NBAS: variants seen among roughly 807,000 people sequenced by gnomAD.
NBAS encodes NBAS subunit of NRZ tethering complex.
In NBAS, 219 loss-of-function variants were observed where a neutral mutation model predicts 302.5. That is an observed-to-expected ratio of 0.72 (90% CI 0.65 to 0.81). The LOEUF (loss-of-function observed/expected upper bound fraction) is 0.81, where lower values mean the gene tolerates loss of function less well. Among genes scored for constraint, NBAS ranks in the 30% least tolerant of loss-of-function variants. The probability of loss-of-function intolerance (pLI) is 0.00; values close to 1 mark genes in which losing one functional copy is unlikely to be tolerated. For missense variants in NBAS, 2,932 were observed against 2,841.6 expected, an observed-to-expected ratio of 1.03 and a Z score of -0.72; for synonymous variants, 1,118 against 1,021.6, an observed-to-expected ratio of 1.09 and a Z score of -1.80.
chr2:15,308,202 T>G lies in NBAS; in HGVS notation c.4797+14A>C. 6.2e-7 allele frequency: 1 copy of G among 1,614,104 alleles called. No individual in the cohort carries two copies. The highest frequency in any genetic ancestry group is 8.5e-7 in the Non-Finnish European group (1 of 1,180,016). Reference sequence around the variant, plus strand: ...ACTCTGCTCAATAATAAGCTGGAAATCATGAAGACTCACCCTGTAAAGAGG... The same window carrying G: ...ACTCTGCTCAATAATAAGCTGGAAAGCATGAAGACTCACCCTGTAAAGAGG... On this transcript the variant is annotated intron_variant, in intron 40 of 51. Coordinates refer to ENST00000281513, the MANE Select transcript of NBAS (RefSeq NM_015909.4).
At chr2:14,980,851 G>A in the NBAS span, among the ~76,000 whole-genome samples, 2 of 152,140 alleles carry the variant, frequency 1.3e-5, no homozygotes, top group Non-Finnish European at 2.9e-5. Context: ...AGAACAAGAC[G>A]CTATGGGCAG....
At chr2:14,848,246 C>T in the NBAS span, among the ~76,000 whole-genome samples, 26 of 151,014 alleles carry the variant, frequency 1.7e-4, no homozygotes, top group South Asian at 1.0e-3. Flanking sequence ...CGAAGCAGGG[C>T]GAGGCATTGC....
chr2:15,160,598 G>A, the NBAS span, among the ~76,000 whole-genome samples: 924 of 132,380 alleles, frequency 7.0e-3, 26 homozygotes, highest in African/African-American at 0.023. Context: ...GGGGAGGGGG[G>A]GGGGCAGGAG....
the NBAS span, among the ~76,000 whole-genome samples, chr2:14,873,042 C>T: frequency 6.6e-6 from 1 of 152,226 alleles, no homozygotes; most frequent in Non-Finnish European, 1.5e-5. Flanking sequence ...GAAGGGGACT[C>T]TCGGCAGGTG....
chr2:15,034,218 GA>G, the NBAS span, among the ~76,000 whole-genome samples: 1 of 25,558 alleles, frequency 3.9e-5, no homozygotes, highest in Admixed American at 5.1e-4. Flanking sequence ...AGGAAAGAAA[GA>G]GAGGGAAAGA....
chr2:15,097,163 G>A, the NBAS span, among the ~76,000 whole-genome samples: 2 of 152,300 alleles, frequency 1.3e-5, no homozygotes, highest in Non-Finnish European at 2.9e-5. Flanking sequence ...GTCACTGATT[G>A]AGGGCTGCTG....
chr2:15,065,685 G>A, the NBAS span, among the ~76,000 whole-genome samples: 4 of 151,586 alleles, frequency 2.6e-5, no homozygotes, highest in African/African-American at 9.7e-5. Context: ...TAACCAAGGA[G>A]GCAAAAGTCT....
chr2:14,795,383 T>C, the NBAS span, among the ~76,000 whole-genome samples: 1 of 152,126 alleles, frequency 6.6e-6, no homozygotes, highest in Non-Finnish European at 1.5e-5. Flanking sequence ...ATTTGCTACC[T>C]ATATGCCTTC....
chr2:15,014,287 C>A, the NBAS span, among the ~76,000 whole-genome samples: 1 of 152,036 alleles, frequency 6.6e-6, no homozygotes, highest in Non-Finnish European at 1.5e-5. Context: ...CACCATATAC[C>A]AAACGGACCT....
intron 42 of NBAS, among the ~76,000 whole-genome samples, chr2:15,281,889 T>C (rs533806350): frequency 1.3e-4 from 20 of 152,342 alleles, no homozygotes; most frequent in African/African-American, 4.6e-4. Context: ...GTTACAGATA[T>C]ATGGAAGGAA....
At chr2:15,203,145 A>C (rs1276181088) in intron 48 of NBAS, among the ~76,000 whole-genome samples, 1 of 152,222 alleles carries the variant, frequency 6.6e-6, no homozygotes, top group South Asian at 2.1e-4. Flanking sequence ...ATACAGACAT[A>C]CACATACACC....
the NBAS span, among the ~76,000 whole-genome samples, chr2:14,909,357 G>C: frequency 2.5e-5 from 2 of 78,640 alleles, no homozygotes; most frequent in Non-Finnish European, 5.1e-5. Context: ...AAGCCTAGGG[G>C]AGAGTTTCTA....
chr2:15,357,196 A>G (rs1390224212), intron 32 of NBAS, among the ~76,000 whole-genome samples: 1 of 152,210 alleles, frequency 6.6e-6, no homozygotes, highest in Non-Finnish European at 1.5e-5. Flanking sequence ...CATCTGCCCC[A>G]ACTGAGGTTC....
At chr2:15,012,772 A>AGCTGT in the NBAS span, among the ~76,000 whole-genome samples, 1 of 152,206 alleles carries the variant, frequency 6.6e-6, no homozygotes, top group African/African-American at 2.4e-5. Flanking sequence ...GAAAAAGAAA[A>AGCTGT]CTGTCAACCA....
rs181326815 is a variant in NBAS, at chr2:15,401,702, C to T, written c.3071+466G>A. On this transcript the variant is annotated intron_variant, in intron 26 of 51. Transcript: ENST00000281513. ...AAATAATCCAAAAGCATATTATATA[C>T]GTTTCCATTTAAACATAAAAGCAGT... is the stretch of plus-strand genomic sequence containing the variant. Among the ~76,000 whole-genome samples, 178 of 152,196 alleles carry T rather than the reference C, an allele frequency of 1.2e-3. 1 individual carries two copies. Among genetic ancestry groups the T allele is most frequent in the South Asian group, 5.0e-3 (24 of 4,820 alleles).
the NBAS span, among the ~76,000 whole-genome samples, chr2:15,081,449 A>G: frequency 2.6e-5 from 4 of 152,114 alleles, no homozygotes; most frequent in Non-Finnish European, 4.4e-5. Flanking sequence ...ATACTTATAC[A>G]TTTACTTACT....
the NBAS span, among the ~76,000 whole-genome samples, chr2:14,790,761 C>T: frequency 6.6e-6 from 1 of 151,712 alleles, no homozygotes; most frequent in Non-Finnish European, 1.5e-5. Context: ...AAGCAATTCT[C>T]CTGCCCCAGC....
At chr2:15,224,257 T>C (rs531627064) in intron 47 of NBAS, among the ~76,000 whole-genome samples, 1 of 152,258 alleles carries the variant, frequency 6.6e-6, no homozygotes, top group South Asian at 2.1e-4. Context: ...GAAAGGAAAT[T>C]ATTGAATCAC....
chr2:15,315,698 A>G (rs1425946587), intron 38 of NBAS, among the ~76,000 whole-genome samples: 1 of 152,190 alleles, frequency 6.6e-6, no homozygotes, highest in Non-Finnish European at 1.5e-5. Context: ...AAGGAAAGGA[A>G]TCTCTCTTCT....
Sources: gnomAD v4.1 joint callset for allele counts (sites outside exome capture counted in the v4.1 genomes callset) on GRCh38, gnomAD v4.1.1 for gene constraint, MANE v1.5 for transcripts, NCBI Gene and HGNC (gene_info 2026-07-23, HGNC 2026-07-21) for gene names.